ZBTB44: variants seen among roughly 807,000 people sequenced by gnomAD.
The protein encoded by ZBTB44 is zinc finger and BTB domain-containing protein 44.
ZBTB44 carries 15 observed loss-of-function variants against 54.0 expected under a neutral mutation model. That is an observed-to-expected ratio of 0.28 (90% CI 0.19 to 0.43). The LOEUF (loss-of-function observed/expected upper bound fraction) is 0.43, where lower values mean the gene tolerates loss of function less well. Ranked by LOEUF, ZBTB44 falls within the 20% of genes least tolerant of loss-of-function variation. ZBTB44 has a pLI of 1.00. For synonymous variants in ZBTB44, 230 were observed against 250.1 expected (o/e 0.92, Z 0.76); for missense variants, 487 against 707.1 (o/e 0.69, Z 3.53).
chr11:130,255,401 A>G (rs1404220131), intron 2 of ZBTB44, among the ~76,000 whole-genome samples: 1 of 152,212 alleles, frequency 6.6e-6, no homozygotes, highest in Non-Finnish European at 1.5e-5. Context: ...GACATGCTAA[A>G]GCACAGTTGA....
At chr11:130,283,342 G>A (rs898419345) in intron 1 of ZBTB44, among the ~76,000 whole-genome samples, 24 of 152,000 alleles carry the variant, frequency 1.6e-4, no homozygotes, top group Non-Finnish European at 2.6e-4. Context: ...CACCGTGCCC[G>A]GCCCATTCTA....
intron 5 of ZBTB44, chr11:130,236,010 A>G: frequency 1.1e-6 from 1 of 928,396 alleles, no homozygotes; most frequent in Non-Finnish European, 1.3e-6. Flanking sequence ...TCATTTTATG[A>G]GAAACTAAGG....
Position 130,314,893 on chromosome 11 carries a change from GGGCACTT to G in ZBTB44, c.-582_-576del. 1 of 151,590 alleles carries G rather than the reference GGGCACTT, an allele frequency of 6.6e-6. No homozygotes were observed. Among genetic ancestry groups the G allele is most frequent in the Non-Finnish European group, 1.5e-5 (1 of 67,824 alleles). The allele number at this position is 151,590 out of a possible 1,614,324, so 9.4% of individuals were successfully genotyped here. Reference sequence around the variant, plus strand: ...GCTCCGCTCACTCCAGCCTGTTTGGGGGCACTTTGTTTGTGTCCCACAATGCTCTGCG... The same window carrying G: ...GCTCCGCTCACTCCAGCCTGTTTGGGTGTTTGTGTCCCACAATGCTCTGCG... On this transcript the variant is annotated 5_prime_UTR_variant, in exon 1 of 8. Transcript: ENST00000357899.
Position 130,286,610 on chromosome 11 carries a change from A to G in ZBTB44, c.-56-24681T>C, listed in dbSNP as rs528282996. On this transcript the variant is annotated intron_variant, in intron 1 of 7. Coordinates refer to ENST00000357899, the MANE Select transcript of ZBTB44 (RefSeq NM_001301098.2). ...TAATTAAAAGAATTATAGTCTTTTC[A>G]TATTACCCAAAACTCAGTGACAGAT... 1.2e-3 allele frequency among the ~76,000 whole-genome samples: 181 copies of G among 152,366 alleles called. 1 individual carries two copies. Among genetic ancestry groups the G allele is most frequent in the African/African-American group, 4.2e-3 (174 of 41,584 alleles).
chr11:130,310,507 CT>C (rs1369738655), intron 1 of ZBTB44: 2 of 151,898 alleles, frequency 1.3e-5, no homozygotes, highest in East Asian at 1.9e-4. Flanking sequence ...ATGGAATCCA[CT>C]TCTCTGCTAA....
At chr11:130,281,880 T>C (rs770245580) in intron 1 of ZBTB44, among the ~76,000 whole-genome samples, 2 of 152,134 alleles carry the variant, frequency 1.3e-5, no homozygotes, top group African/African-American at 2.4e-5. Context: ...GCTGGGATTA[T>C]AGGCGTGAGC....
intron 1 of ZBTB44, among the ~76,000 whole-genome samples, chr11:130,276,311 T>C (rs1940092648): frequency 6.6e-6 from 1 of 151,556 alleles, no homozygotes; most frequent in Non-Finnish European, 1.5e-5. Flanking sequence ...ATGTTCCATG[T>C]GCACTTGAGA....
At chr11:130,284,658 G>C (rs1028100029) in intron 1 of ZBTB44, among the ~76,000 whole-genome samples, 1 of 152,122 alleles carries the variant, frequency 6.6e-6, no homozygotes, top group African/African-American at 2.4e-5. Flanking sequence ...CACGAGGTCA[G>C]GAGTTCGAGA....
At chr11:130,312,179 T>A (rs1238340344) in intron 1 of ZBTB44, among the ~76,000 whole-genome samples, 2 of 152,184 alleles carry the variant, frequency 1.3e-5, no homozygotes, top group Non-Finnish European at 2.9e-5. Flanking sequence ...GAACCTCCAA[T>A]AACTGATTTA....
At chr11:130,280,413 C>T (rs183621640) in intron 1 of ZBTB44, among the ~76,000 whole-genome samples, 27 of 152,272 alleles carry the variant, frequency 1.8e-4, no homozygotes, top group Non-Finnish European at 3.5e-4. Context: ...TGAAACAATT[C>T]TGTGTATATA....
intron 1 of ZBTB44, among the ~76,000 whole-genome samples, chr11:130,293,682 G>C (rs1293432475): frequency 6.6e-6 from 1 of 151,362 alleles, no homozygotes; most frequent in East Asian, 1.9e-4. Flanking sequence ...CGTCATCTCA[G>C]CTACTTGGGA....
At chr11:130,312,102 T>C (rs1288913465) in intron 1 of ZBTB44, among the ~76,000 whole-genome samples, 7 of 152,242 alleles carry the variant, frequency 4.6e-5, no homozygotes, top group Non-Finnish European at 1.0e-4. Flanking sequence ...ATTTAACATT[T>C]AATTTGCATT....
intron 1 of ZBTB44, among the ~76,000 whole-genome samples, chr11:130,283,747 C>T (rs772388349): frequency 5.3e-5 from 8 of 151,232 alleles, no homozygotes; most frequent in Non-Finnish European, 1.2e-4. Flanking sequence ...GGGTGGATCA[C>T]CTGAGGTCAG....
At chr11:130,263,347 AC>A (rs2136451531) in intron 1 of ZBTB44, among the ~76,000 whole-genome samples, 1 of 152,324 alleles carries the variant, frequency 6.6e-6, no homozygotes, top group South Asian at 2.1e-4. Flanking sequence ...TTTAGGTCTC[AC>A]AAAAATGAGA....
chr11:130,267,723 C>T (rs927489677), intron 1 of ZBTB44, among the ~76,000 whole-genome samples: 5 of 152,010 alleles, frequency 3.3e-5, no homozygotes, highest in Non-Finnish European at 7.4e-5. Context: ...TGAAAGAAGT[C>T]CTTCTATAAG....
intron 1 of ZBTB44, among the ~76,000 whole-genome samples, chr11:130,268,131 T>C (rs1939394745): frequency 6.7e-6 from 1 of 149,376 alleles, no homozygotes; most frequent in Admixed American, 6.7e-5. Flanking sequence ...CAGGGGCTCA[T>C]GCCTGTAATC....
At position 130,230,861 on chromosome 11, in the gene ZBTB44, TG is replaced by T. The variant is rs1415733252; in HGVS notation, c.*902del. Reference sequence around the variant, plus strand: ...GCAGGAGCTTTAACATCCATTATCATGGGTGAACATCTTTGTTTACTTCTAA... The same window carrying T: ...GCAGGAGCTTTAACATCCATTATCATGGTGAACATCTTTGTTTACTTCTAA... On this transcript the variant is annotated 3_prime_UTR_variant, in exon 8 of 8. Coordinates refer to ENST00000357899, the MANE Select transcript of ZBTB44 (RefSeq NM_001301098.2). The T allele has an allele frequency of 6.6e-6, 1 of 152,116 alleles. No individual in the cohort carries two copies. The highest frequency in any genetic ancestry group is 2.4e-5 in the African/African-American group (1 of 41,454). The allele number at this position is 152,116 out of a possible 1,614,324, so 9.4% of individuals were successfully genotyped here.
chr11:130,279,806 C>G (rs1309514220), intron 1 of ZBTB44, among the ~76,000 whole-genome samples: 1 of 152,186 alleles, frequency 6.6e-6, no homozygotes, highest in African/African-American at 2.4e-5. Context: ...CCACAACTAC[C>G]ACCATTTTTG....
intron 2 of ZBTB44, among the ~76,000 whole-genome samples, chr11:130,244,749 G>A (rs1033098483): frequency 2.6e-5 from 4 of 150,952 alleles, no homozygotes; most frequent in South Asian, 2.1e-4. Context: ...CATTTAATAA[G>A]TATCATCTGC....
Sources: allele counts gnomAD v4.1 joint callset (sites outside exome capture counted in the v4.1 genomes callset), GRCh38; gene constraint gnomAD v4.1.1; transcripts MANE v1.5; gene names NCBI Gene and HGNC (gene_info 2026-07-23, HGNC 2026-07-21).